G3BP2: variants seen among roughly 807,000 people sequenced by gnomAD.
The protein encoded by G3BP2 is G3BP stress granule assembly factor 2.
In G3BP2, 11 loss-of-function variants were observed where a neutral mutation model predicts 56.7. The ratio of observed to expected loss-of-function variants is 0.19; its 90% confidence interval spans 0.12 to 0.32. G3BP2 has a LOEUF of 0.32. Ranked by LOEUF, G3BP2 falls within the 10% of genes least tolerant of loss-of-function variation. The probability of loss-of-function intolerance (pLI) is 1.00; values close to 1 mark genes in which losing one functional copy is unlikely to be tolerated. For synonymous variants in G3BP2, 165 were observed against 191.6 expected, an observed-to-expected ratio of 0.86 and a Z score of 1.15; for missense variants, 340 against 610.9, an observed-to-expected ratio of 0.56 and a Z score of 4.67.
At chr4:75,669,583 C>A (rs1733321997) in intron 1 of G3BP2, among the ~76,000 whole-genome samples, 1 of 152,338 alleles carries the variant, frequency 6.6e-6, no homozygotes, top group South Asian at 2.1e-4. Flanking sequence ...ATGTCATAAC[C>A]AACCTTTCAA....
rs58591722 is a variant in G3BP2, at chr4:75,643,698, C to T, written c.*1732G>A. 68 of 152,678 alleles carry T rather than the reference C, an allele frequency of 4.5e-4. No homozygotes were observed. Among genetic ancestry groups the T allele is most frequent in the African/African-American group, 1.6e-3 (65 of 41,538 alleles). 9.5% of individuals were successfully genotyped at this position (152,678 alleles called of 1,614,324 possible). On this transcript the variant is annotated 3_prime_UTR_variant, in exon 12 of 12. Transcript: ENST00000359707. ...TAGCAAACAGTTGCATAATTCAGAA[C>T]CAATTTGCTACTATGTCAAGTGCAT... is the stretch of plus-strand genomic sequence containing the variant.
intron 5 of G3BP2, 46 bp downstream of exon 5, chr4:75,656,878 G>C (rs531804639): frequency 1.2e-6 from 1 of 859,870 alleles, no homozygotes; most frequent in Admixed American, 2.0e-5. Flanking sequence ...TCCATAAAGA[G>C]TACCAACAGA....
At chr4:75,666,653 C>A (rs373563007) in intron 1 of G3BP2, among the ~76,000 whole-genome samples, 2 of 151,862 alleles carry the variant, frequency 1.3e-5, no homozygotes, top group African/African-American at 4.8e-5. Flanking sequence ...ATATAAAGTT[C>A]GTATTTATAA....
At chr4:75,651,413 G>GA (rs1731691281) in intron 8 of G3BP2, among the ~76,000 whole-genome samples, 1 of 152,114 alleles carries the variant, frequency 6.6e-6, no homozygotes, top group Non-Finnish European at 1.5e-5. Flanking sequence ...CTTTAAGGAT[G>GA]AAAATTAAAA....
upstream of G3BP2, among the ~76,000 whole-genome samples, chr4:75,674,482 C>T (rs1200765918): frequency 6.6e-6 from 1 of 151,788 alleles, no homozygotes; most frequent in Non-Finnish European, 1.5e-5. Flanking sequence ...AATATCTTTA[C>T]CTTTAGACTG....
chr4:75,661,134 G>A (rs1330232067), intron 2 of G3BP2, among the ~76,000 whole-genome samples: 1 of 152,128 alleles, frequency 6.6e-6, no homozygotes, highest in East Asian at 1.9e-4. Context: ...TCAAACCCAA[G>A]ATATGGTCTT....
At chr4:75,665,443 A>G (rs1732932735) in intron 1 of G3BP2, among the ~76,000 whole-genome samples, 1 of 152,188 alleles carries the variant, frequency 6.6e-6, no homozygotes, top group African/African-American at 2.4e-5. Flanking sequence ...GGACTCACAT[A>G]TGCTACATTT....
intron 6 of G3BP2, 137 bp downstream of exon 6, chr4:75,655,631 T>C (rs1246944670): frequency 1.7e-6 from 1 of 601,648 alleles, no homozygotes; most frequent in African/African-American, 1.8e-5. Flanking sequence ...ATTTCTTGCA[T>C]ATACACAATA....
intron 2 of G3BP2, among the ~76,000 whole-genome samples, chr4:75,659,217 A>G (rs141616914): frequency 6.6e-6 from 1 of 152,318 alleles, no homozygotes; most frequent in East Asian, 1.9e-4. Context: ...TTTTTTGTTA[A>G]GTGGAAAAAT....
At chr4:75,683,755 G>A (rs1217463028) in intron 3 of G3BP2, among the ~76,000 whole-genome samples, 1 of 152,060 alleles carries the variant, frequency 6.6e-6, no homozygotes, top group Non-Finnish European at 1.5e-5. Context: ...GAACTGACAG[G>A]AGCTCCCAGT....
At chr4:75,715,953 TGAA>T (rs1382615178) in intron 3 of G3BP2, among the ~76,000 whole-genome samples, 3 of 152,194 alleles carry the variant, frequency 2.0e-5, no homozygotes, top group Non-Finnish European at 4.4e-5. Flanking sequence ...CACCCTCACA[TGAA>T]GGAGACCGGC....
intron 8 of G3BP2, among the ~76,000 whole-genome samples, chr4:75,649,474 C>T (rs1316893661): frequency 6.6e-6 from 1 of 152,160 alleles, no homozygotes; most frequent in African/African-American, 2.4e-5. Flanking sequence ...GTTTAAGATG[C>T]CTCCCAAAAG....
chr4:75,648,481 C>A (rs1222966305), intron 9 of G3BP2, among the ~76,000 whole-genome samples, 158 bp downstream of exon 9: 2 of 152,130 alleles, frequency 1.3e-5, no homozygotes, highest in Non-Finnish European at 2.9e-5. Context: ...GGTTATTTGG[C>A]CCCAGACACT....
At chr4:75,688,546 A>G (rs1718718422) in intron 3 of G3BP2, among the ~76,000 whole-genome samples, 1 of 152,218 alleles carries the variant, frequency 6.6e-6, no homozygotes, top group African/African-American at 2.4e-5. Context: ...TCTGTGAGCA[A>G]CTGAGACTTA....
Position 75,719,864 on chromosome 4 carries a change from C to T in G3BP2, c.-25+1013G>A, listed in dbSNP as rs146658116. 1.3e-4 allele frequency among the ~76,000 whole-genome samples: 20 copies of T among 152,102 alleles called. No homozygotes were observed. In the East Asian group the frequency reaches 3.7e-3, roughly 28 times the overall value. ...TCGGCCTCCCAAAGTGCTGGGATTA[C>T]AAGGGTGAGTTACCGTGCCCGGCCT... is the stretch of plus-strand genomic sequence containing the variant. On this transcript the variant is annotated intron_variant, in intron 3 of 3. Transcript: ENST00000499709.
chr4:75,670,100 G>A (rs1292434425), intron 1 of G3BP2, among the ~76,000 whole-genome samples: 2 of 152,174 alleles, frequency 1.3e-5, no homozygotes, highest in Admixed American at 6.5e-5. Flanking sequence ...AGTAATAGGA[G>A]GCAGTTCTCT....
At chr4:75,660,510 G>A (rs945025298) in intron 2 of G3BP2, among the ~76,000 whole-genome samples, 1 of 152,072 alleles carries the variant, frequency 6.6e-6, no homozygotes, top group Non-Finnish European at 1.5e-5. Context: ...TGTCTAATAG[G>A]TAGAGAGCTA....
intron 1 of G3BP2, among the ~76,000 whole-genome samples, chr4:75,723,513 T>C (rs1450344974): frequency 6.6e-6 from 1 of 152,236 alleles, no homozygotes; most frequent in Non-Finnish European, 1.5e-5. Context: ...AGAAATATTC[T>C]ATAAATAGAA....
chr4:75,689,737 T>G (rs1417832693), intron 3 of G3BP2, among the ~76,000 whole-genome samples: 1 of 152,198 alleles, frequency 6.6e-6, no homozygotes, highest in African/African-American at 2.4e-5. Flanking sequence ...TTTCAAATAA[T>G]TTGTTCTGAA....
Sources: allele counts gnomAD v4.1 joint callset (sites outside exome capture counted in the v4.1 genomes callset), GRCh38; gene constraint gnomAD v4.1.1; transcripts MANE v1.5; gene names NCBI Gene and HGNC (gene_info 2026-07-23, HGNC 2026-07-21).